Variants in AOAH observed in about 807,000 individuals in gnomAD.
AOAH encodes the protein acyloxyacyl hydrolase (neutrophil).
Under a neutral mutation model 92.2 loss-of-function variants are expected in AOAH, and 64 were observed. The observed-to-expected ratio is 0.69, with a 90% CI of 0.57 to 0.86. The LOEUF (loss-of-function observed/expected upper bound fraction) is 0.86. Ranked by LOEUF, AOAH falls within the 40% of genes least tolerant of loss-of-function variation. The pLI is 0.00. For synonymous variants in AOAH, 263 were observed against 254.5 expected, an observed-to-expected ratio of 1.03 and a Z score of -0.32; for missense variants, 656 against 694.6, an observed-to-expected ratio of 0.94 and a Z score of 0.62.
chr7:36,627,211 A>G lies in AOAH; in HGVS notation c.522-3961T>C, dbSNP rs562560387. Among the ~76,000 whole-genome samples the G allele has an allele frequency of 8.5e-5, 13 of 152,296 alleles. No homozygotes were observed. In the East Asian group the frequency reaches 2.5e-3, roughly 29 times the overall value. On this transcript the variant is annotated intron_variant, in intron 6 of 20. Coordinates refer to ENST00000617537, the MANE Select transcript of AOAH (RefSeq NM_001637.4). ...AAGATAACTATAGTCCTGGGTGAAA[A>G]ATGCTGTAAGCGGGTTGTGCATGTA...
At position 36,633,569 on chromosome 7, in the gene AOAH, C is replaced by CCAAA. The variant is rs546985014; in HGVS notation, c.451-1467_451-1464dup. Among the ~76,000 whole-genome samples, 187 of 152,244 alleles carry CCAAA rather than the reference C, an allele frequency of 1.2e-3. 1 individual carries two copies. Among genetic ancestry groups the CCAAA allele is most frequent in the African/African-American group, 4.3e-3 (180 of 41,530 alleles). On this transcript the variant is annotated intron_variant, in intron 5 of 20. Coordinates refer to ENST00000617537, the MANE Select transcript of AOAH (RefSeq NM_001637.4). ...GAAAGCTTGGTGTCTTAGAGGAATG[C>CCAAA]CAAACATTCCCACCTGGAGGGAGAA...
At chr7:36,666,555 A>G (rs1795548749) in intron 3 of AOAH, among the ~76,000 whole-genome samples, 1 of 151,786 alleles carries the variant, frequency 6.6e-6, no homozygotes, top group Non-Finnish European at 1.5e-5. Flanking sequence ...TTGATTTCCT[A>G]TGGTCAATTT....
intron 1 of AOAH, among the ~76,000 whole-genome samples, chr7:36,713,048 A>T (rs1186217819): frequency 2.0e-5 from 3 of 152,228 alleles, no homozygotes; most frequent in African/African-American, 2.4e-5. Context: ...AATTGGATAA[A>T]CAGTCAAGAC....
chr7:36,549,679 G>A (rs1405284187), intron 13 of AOAH, among the ~76,000 whole-genome samples: 1 of 152,218 alleles, frequency 6.6e-6, no homozygotes, highest in East Asian at 1.9e-4. Context: ...GGGCTTTTCT[G>A]TTTATTTAGC....
At chr7:36,661,141 T>C (rs889458366) in intron 3 of AOAH, 2 of 152,264 alleles carry the variant, frequency 1.3e-5, no homozygotes, top group Admixed American at 6.5e-5. Flanking sequence ...CCTTTGCCCG[T>C]TGGCGCAGGC....
At chr7:36,566,671 A>G (rs927198576) in intron 13 of AOAH, among the ~76,000 whole-genome samples, 1 of 152,146 alleles carries the variant, frequency 6.6e-6, no homozygotes, top group African/African-American at 2.4e-5. Context: ...GCTTCCCCAC[A>G]GGATCTCAGG....
chr7:36,581,246 G>A (rs1357464455), intron 12 of AOAH, among the ~76,000 whole-genome samples: 1 of 152,182 alleles, frequency 6.6e-6, no homozygotes, highest in Non-Finnish European at 1.5e-5. Flanking sequence ...AACCAGCTTA[G>A]GATGCAGCTC....
chr7:36,652,216 G>A (rs1794620556), intron 4 of AOAH, among the ~76,000 whole-genome samples: 1 of 152,074 alleles, frequency 6.6e-6, no homozygotes, highest in African/African-American at 2.4e-5. Flanking sequence ...ATAGGACAGA[G>A]GCATGTCAAA....
intron 13 of AOAH, among the ~76,000 whole-genome samples, chr7:36,560,489 G>C (rs956971306): frequency 5.3e-5 from 8 of 152,022 alleles, no homozygotes; most frequent in African/African-American, 1.9e-4. Context: ...TTATTTTCTT[G>C]GGATATTGTA....
intron 4 of AOAH, among the ~76,000 whole-genome samples, chr7:36,645,849 C>A (rs932179514): frequency 1.3e-5 from 2 of 151,886 alleles, no homozygotes; most frequent in African/African-American, 4.8e-5. Flanking sequence ...CCTTTTATCA[C>A]TGAATGCCTC....
intron 11 of AOAH, among the ~76,000 whole-genome samples, chr7:36,595,839 C>G (rs976795627): frequency 6.6e-6 from 1 of 152,190 alleles, no homozygotes; most frequent in Non-Finnish European, 1.5e-5. Context: ...AAAATCCGTG[C>G]TCCCTTCGGG....
In AOAH at chr7:36,549,421, TTCTTA is replaced by T. The variant is rs528550051; in HGVS notation, c.1058+13_1058+17del. 1.0e-4 allele frequency: 159 copies of T among 1,580,470 alleles called. No individual in the cohort carries two copies. In the African/African-American group the frequency reaches 1.8e-3, roughly 18 times the overall value. On this transcript the variant is annotated intron_variant, in intron 14 of 20. Transcript: ENST00000617537. ...AATGAGAAACCAAATTAAAAACAAC[TTCTTA>T]TCTTCTGCTTACCTTTCTATAAATT...
rs565202994 is a variant in AOAH at position 36,631,754 on chromosome 7, G to T, written c.521+282C>A. ...GGTGTAGTGCAGTGGGCACCTCGCT[G>T]GCAGGCACTTGCCGGCAGTGAGCCT... On this transcript the variant is annotated intron_variant, in intron 6 of 20. Coordinates refer to ENST00000617537, the MANE Select transcript of AOAH (RefSeq NM_001637.4). Among the ~76,000 whole-genome samples, 6 of 152,280 alleles carry T rather than the reference G, an allele frequency of 3.9e-5. No individual in the cohort carries two copies. In the East Asian group the frequency reaches 1.2e-3, roughly 29 times the overall value.
At chr7:36,545,708 G>A (rs190350329) in intron 15 of AOAH, among the ~76,000 whole-genome samples, 3 of 152,228 alleles carry the variant, frequency 2.0e-5, no homozygotes, top group East Asian at 3.9e-4. Context: ...TCCCATAATT[G>A]TCCACTGTAA....
intron 13 of AOAH, among the ~76,000 whole-genome samples, chr7:36,557,719 C>T (rs1276151115): frequency 2.0e-5 from 3 of 152,094 alleles, no homozygotes; most frequent in African/African-American, 7.2e-5. Context: ...TCCCTTCTTG[C>T]TTCATTTCAT....
rs1354980850 is a variant in AOAH at position 36,516,741 on chromosome 7, T to G, written c.1600-3361A>C. Among the ~76,000 whole-genome samples, 2 of 152,188 alleles carry G rather than the reference T, an allele frequency of 1.3e-5. No homozygotes were observed. The highest frequency in any genetic ancestry group is 4.8e-5 in the African/African-American group (2 of 41,440). ...TTTTTTGTGTTATTGGCTTTCAACT[T>G]GATACACCTAAGCTCTTTCTAACAA... On this transcript the variant is annotated intron_variant, in intron 20 of 20. Transcript: ENST00000617537. This position sits in a 1 kb window ranked among gnomAD's most constrained non-coding sequence, Gnocchi z 5.0.
At chr7:36,554,853 G>A (rs1277540611) in intron 13 of AOAH, among the ~76,000 whole-genome samples, 1 of 151,398 alleles carries the variant, frequency 6.6e-6, no homozygotes, top group Non-Finnish European at 1.5e-5. Flanking sequence ...AAACTTTGCT[G>A]AAGTTGCTTA....
At chr7:36,623,398 G>A (rs1360503519) in intron 6 of AOAH, 148 bp from the exon 7 acceptor site, 2 of 691,692 alleles carry the variant, frequency 2.9e-6, no homozygotes, top group East Asian at 2.7e-5. Context: ...ATCCTGTGTG[G>A]TGTCAGACAG....
At chr7:36,590,963 T>C (rs1460604374) in intron 12 of AOAH, among the ~76,000 whole-genome samples, 3 of 152,218 alleles carry the variant, frequency 2.0e-5, no homozygotes, top group Non-Finnish European at 4.4e-5. Flanking sequence ...TATACAATGG[T>C]ATATGGATAC....
Sources: gnomAD v4.1 joint callset for allele counts (sites outside exome capture counted in the v4.1 genomes callset) on GRCh38, gnomAD v4.1.1 for gene constraint, Gnocchi (gnomAD v3.1) non-coding constraint, MANE v1.5 for transcripts, NCBI Gene and HGNC (gene_info 2026-07-23, HGNC 2026-07-21) for gene names.